The following SPMIP2 variants were observed in gnomAD, a reference collection of about 807,000 sequenced individuals.
SPMIP2 encodes the protein protein SPMIP2.
the SPMIP2 span, among the ~76,000 whole-genome samples, chr4:159,065,408 A>C: frequency 6.6e-6 from 1 of 152,222 alleles, no homozygotes; most frequent in African/African-American, 2.4e-5. Context: ...TTATTCATTT[A>C]GGCAGTTCTT....
the SPMIP2 span, among the ~76,000 whole-genome samples, chr4:158,979,991 C>T: frequency 9.9e-5 from 15 of 152,106 alleles, no homozygotes; most frequent in East Asian, 2.9e-3. Flanking sequence ...CTGAAACCGA[C>T]CTGGGACGCT....
At chr4:158,897,938 C>G in the SPMIP2 span, among the ~76,000 whole-genome samples, 1 of 152,144 alleles carries the variant, frequency 6.6e-6, no homozygotes, top group African/African-American at 2.4e-5. Flanking sequence ...ATGGTATTGC[C>G]TAGGTTTTCT....
At chr4:158,910,805 T>C in the SPMIP2 span, among the ~76,000 whole-genome samples, 41 of 152,264 alleles carry the variant, frequency 2.7e-4, no homozygotes, top group African/African-American at 9.9e-4. Context: ...CCCTGCTGCG[T>C]TTGGATTTAC....
At chr4:159,047,264 T>C in the SPMIP2 span, among the ~76,000 whole-genome samples, 1 of 152,188 alleles carries the variant, frequency 6.6e-6, no homozygotes, top group Non-Finnish European at 1.5e-5. Flanking sequence ...TCTAAATAAA[T>C]TTGCTCCAAA....
chr4:158,964,154 A>C, the SPMIP2 span, among the ~76,000 whole-genome samples: 1 of 60,076 alleles, frequency 1.7e-5, no homozygotes, highest in South Asian at 5.9e-4. Context: ...GACTATCTCA[A>C]AACAAAACAA....
At chr4:158,987,492 T>G in the SPMIP2 span, among the ~76,000 whole-genome samples, 1 of 152,118 alleles carries the variant, frequency 6.6e-6, no homozygotes, top group Non-Finnish European at 1.5e-5. Flanking sequence ...GGGACATGGA[T>G]GAAATTGGAA....
chr4:158,904,623 G>T, the SPMIP2 span: 1 of 1,240,468 alleles, frequency 8.1e-7, no homozygotes. Context: ...AGCTCTCTGT[G>T]ATGTCAAAAG....
chr4:159,027,155 G>A, the SPMIP2 span, among the ~76,000 whole-genome samples: 3 of 152,100 alleles, frequency 2.0e-5, 1 homozygote, highest in Admixed American at 2.0e-4. Flanking sequence ...GAAAAGAACA[G>A]TGTTTGATGG....
the SPMIP2 span, among the ~76,000 whole-genome samples, chr4:158,983,042 A>C: frequency 6.6e-6 from 1 of 152,236 alleles, no homozygotes; most frequent in Non-Finnish European, 1.5e-5. Context: ...GATGCGATCA[A>C]CTGGAAGAAA....
chr4:158,929,084 G>T, the SPMIP2 span, among the ~76,000 whole-genome samples: 1 of 152,176 alleles, frequency 6.6e-6, no homozygotes, highest in Non-Finnish European at 1.5e-5. Flanking sequence ...GTATGATCTT[G>T]GCTAACTGCA....
chr4:158,942,339 C>G, the SPMIP2 span, among the ~76,000 whole-genome samples: 1 of 152,208 alleles, frequency 6.6e-6, no homozygotes, highest in African/African-American at 2.4e-5. Context: ...TTCCTGATCC[C>G]TGTTCGAAGT....
At chr4:159,038,951 C>G in the SPMIP2 span, among the ~76,000 whole-genome samples, 1 of 151,992 alleles carries the variant, frequency 6.6e-6, no homozygotes, top group African/African-American at 2.4e-5. Context: ...AATGAGGACC[C>G]CTGATGGTTT....
At chr4:158,915,315 C>T in the SPMIP2 span, 16,516 of 1,613,294 alleles carry the variant, frequency 0.01, 118 homozygotes, top group Admixed American at 0.017. Context: ...AAAAGAAGCG[C>T]GACTCTGTTT....
the SPMIP2 span, among the ~76,000 whole-genome samples, chr4:159,068,926 C>T: frequency 6.6e-6 from 1 of 152,110 alleles, no homozygotes; most frequent in South Asian, 2.1e-4. Context: ...CTCTTTAGGG[C>T]TAATAATGCA....
the SPMIP2 span, among the ~76,000 whole-genome samples, chr4:158,979,987 C>T: frequency 6.6e-6 from 1 of 152,004 alleles, no homozygotes; most frequent in Admixed American, 6.6e-5. Flanking sequence ...CAGTCTGAAA[C>T]CGACCTGGGA....
At chr4:159,044,572 TG>T in the SPMIP2 span, among the ~76,000 whole-genome samples, 41 of 151,674 alleles carry the variant, frequency 2.7e-4, no homozygotes, top group African/African-American at 9.7e-4. Context: ...GCTTTGGAAC[TG>T]GGGGAAAAAC....
chr4:159,073,894 C>T, the SPMIP2 span, among the ~76,000 whole-genome samples: 2 of 152,112 alleles, frequency 1.3e-5, no homozygotes, highest in Non-Finnish European at 2.9e-5. Context: ...ATCCCAGCTA[C>T]TCGGGGGGCT....
At chr4:159,047,220 A>T in the SPMIP2 span, among the ~76,000 whole-genome samples, 1 of 152,326 alleles carries the variant, frequency 6.6e-6, no homozygotes, top group African/African-American at 2.4e-5. Flanking sequence ...AATTATAAAA[A>T]GTAGATTTTT....
At chr4:158,968,120 C>G in the SPMIP2 span, among the ~76,000 whole-genome samples, 2 of 152,186 alleles carry the variant, frequency 1.3e-5, no homozygotes, top group Admixed American at 6.5e-5. Flanking sequence ...ACCTCCACTT[C>G]CCGGGTTCAA....
Sources: gnomAD v4.1 joint callset for allele counts (sites outside exome capture counted in the v4.1 genomes callset) on GRCh38, gnomAD v4.1.1 for gene constraint, MANE v1.5 for transcripts, NCBI Gene and HGNC (gene_info 2026-07-23, HGNC 2026-07-21) for gene names.